The following PAPPA variants were observed in gnomAD, a reference collection of about 807,000 sequenced individuals.
PAPPA encodes pappalysin 1, also known as pappalysin-1.
A neutral mutation model predicts 164.0 loss-of-function variants in PAPPA; 60 were observed. The ratio of observed to expected loss-of-function variants is 0.37; its 90% confidence interval spans 0.30 to 0.45. The LOEUF (loss-of-function observed/expected upper bound fraction) is 0.45, where lower values mean the gene tolerates loss of function less well. Ranked by LOEUF, PAPPA falls within the 20% of genes least tolerant of loss-of-function variation. The pLI is 1.00. For missense variants in PAPPA, 1,782 were observed against 2,087.3 expected (o/e 0.85, Z 2.85); for synonymous variants, 875 against 814.1 (o/e 1.07, Z -1.27).
At position 116,254,697 on chromosome 9, in the gene PAPPA, G is replaced by C. The variant is rs1240553061; in HGVS notation, c.2733-11160G>C. Reference sequence around the variant, plus strand: ...CTCAGGAAGCTGAGGCAGGAGAATGGCGTGAACCTGGGAGGCGGAGCTTGC... The same window carrying C: ...CTCAGGAAGCTGAGGCAGGAGAATGCCGTGAACCTGGGAGGCGGAGCTTGC... On this transcript the variant is annotated intron_variant, in intron 7 of 21. Transcript: ENST00000328252. 2.7e-3 allele frequency among the ~76,000 whole-genome samples: 404 copies of C among 150,748 alleles called. 8 individuals carry two copies. The highest frequency in any genetic ancestry group is 0.025 in the East Asian group (122 of 4,902).
intron 7 of PAPPA, among the ~76,000 whole-genome samples, chr9:116,244,336 G>A (rs1587969285): frequency 1.3e-5 from 2 of 152,140 alleles, no homozygotes; most frequent in East Asian, 1.9e-4. Flanking sequence ...TCTACAGATG[G>A]GCAAACTGAG....
intron 7 of PAPPA, among the ~76,000 whole-genome samples, chr9:116,246,957 G>A (rs1844803879): frequency 2.0e-5 from 3 of 152,006 alleles, no homozygotes; most frequent in Admixed American, 2.0e-4. Context: ...GGAGGGAAAG[G>A]CTGCAGTGGT....
At chr9:116,379,606 G>A (rs1029102940) in intron 20 of PAPPA, among the ~76,000 whole-genome samples, 7 of 151,928 alleles carry the variant, frequency 4.6e-5, no homozygotes, top group African/African-American at 1.7e-4. Context: ...AAACATTTAT[G>A]GAATCTATAT....
intron 13 of PAPPA, among the ~76,000 whole-genome samples, chr9:116,340,729 GT>G (rs1846125523): frequency 6.6e-6 from 1 of 152,146 alleles, no homozygotes; most frequent in Admixed American, 6.5e-5. Flanking sequence ...TGTTATCAGA[GT>G]TTAAAAAACA....
At chr9:116,238,247 A>G (rs748645161) in intron 7 of PAPPA, among the ~76,000 whole-genome samples, 1 of 152,198 alleles carries the variant, frequency 6.6e-6, no homozygotes, top group Non-Finnish European at 1.5e-5. Flanking sequence ...GTGGCCCCAG[A>G]CCAATGGCAT....
intron 2 of PAPPA, among the ~76,000 whole-genome samples, chr9:116,195,833 C>T (rs1844097602): frequency 6.6e-6 from 1 of 152,192 alleles, no homozygotes; most frequent in Non-Finnish European, 1.5e-5. Context: ...CCTAATCAAC[C>T]ACTCTGTACT....
intron 2 of PAPPA, among the ~76,000 whole-genome samples, chr9:116,194,372 G>A (rs1257910937): frequency 2.0e-5 from 3 of 152,052 alleles, no homozygotes; most frequent in East Asian, 3.9e-4. Context: ...AGATGAAAGG[G>A]GGCATTGTTA....
chr9:116,233,005 T>C (rs1394749947), intron 6 of PAPPA, among the ~76,000 whole-genome samples: 1 of 152,222 alleles, frequency 6.6e-6, no homozygotes, highest in Non-Finnish European at 1.5e-5. Context: ...ACATCATCCC[T>C]TGCCAGTTGC....
intron 2 of PAPPA, among the ~76,000 whole-genome samples, chr9:116,194,488 T>C (rs1844080422): frequency 6.6e-6 from 1 of 152,216 alleles, no homozygotes; most frequent in Non-Finnish European, 1.5e-5. Context: ...TAATATTCAT[T>C]AAAGCAATAA....
intron 1 of PAPPA, among the ~76,000 whole-genome samples, chr9:116,180,688 G>A (rs763559218): frequency 7.2e-5 from 11 of 151,940 alleles, no homozygotes; most frequent in South Asian, 2.1e-4. Context: ...CCACCCCGCC[G>A]CCCCCAGACA....
intron 10 of PAPPA, among the ~76,000 whole-genome samples, chr9:116,310,674 T>C (rs1339189018): frequency 6.6e-6 from 1 of 152,182 alleles, no homozygotes; most frequent in Non-Finnish European, 1.5e-5. Flanking sequence ...CTTTGGTCAT[T>C]TACCCTTTCA....
chr9:116,354,851 C>T (rs1846331562), intron 17 of PAPPA, among the ~76,000 whole-genome samples: 1 of 152,126 alleles, frequency 6.6e-6, no homozygotes, highest in East Asian at 1.9e-4. Context: ...ACCAGGAGCC[C>T]CCGTCCCTTA....
At chr9:116,177,940 A>G (rs1328918619) in intron 1 of PAPPA, among the ~76,000 whole-genome samples, 3 of 151,968 alleles carry the variant, frequency 2.0e-5, no homozygotes, top group African/African-American at 7.3e-5. Context: ...CCAATTTTAT[A>G]TGCACTGATT....
chr9:116,273,288 G>A (rs1845158456), intron 9 of PAPPA, among the ~76,000 whole-genome samples: 1 of 152,160 alleles, frequency 6.6e-6, no homozygotes, highest in South Asian at 2.1e-4. Flanking sequence ...ATCCATGGAA[G>A]GGGTCTGCAA....
At chr9:116,305,614 T>A (rs1845636581) in intron 10 of PAPPA, among the ~76,000 whole-genome samples, 1 of 152,206 alleles carries the variant, frequency 6.6e-6, no homozygotes, top group South Asian at 2.1e-4. Flanking sequence ...GACACATGTA[T>A]GCACATTACA....
intron 1 of PAPPA, among the ~76,000 whole-genome samples, chr9:116,159,201 G>T (rs914462689): frequency 2.0e-5 from 3 of 152,096 alleles, no homozygotes; most frequent in Non-Finnish European, 4.4e-5. Context: ...TCTCTTCCTT[G>T]GTTTACTTAT....
At chr9:116,355,536 G>A (rs1463160080) in intron 17 of PAPPA, among the ~76,000 whole-genome samples, 6 of 152,220 alleles carry the variant, frequency 3.9e-5, no homozygotes, top group African/African-American at 1.4e-4. Flanking sequence ...GCAGAAGCCA[G>A]TACCGGAACA....
chr9:116,293,247 A>G (rs968898946), intron 9 of PAPPA, among the ~76,000 whole-genome samples: 45 of 152,252 alleles, frequency 3.0e-4, no homozygotes, highest in African/African-American at 1.1e-3. Flanking sequence ...GTATAACAGA[A>G]TGAAAGGAGG....
chr9:116,391,962 T>C (rs1333258190), intron 21 of PAPPA, among the ~76,000 whole-genome samples: 1 of 152,168 alleles, frequency 6.6e-6, no homozygotes. Context: ...CCTCAGTTTC[T>C]TCGTCTGTGA....
Sources: allele counts gnomAD v4.1 joint callset (sites outside exome capture counted in the v4.1 genomes callset), GRCh38; gene constraint gnomAD v4.1.1; transcripts MANE v1.5; gene names NCBI Gene and HGNC (gene_info 2026-07-23, HGNC 2026-07-21).